The following FRS2 variants were observed in gnomAD, a reference collection of about 807,000 sequenced individuals.
FRS2 encodes fibroblast growth factor receptor substrate 2, also known as FGFR signalling adaptor.
In FRS2, 8 loss-of-function variants were observed where a neutral mutation model predicts 43.9. The observed-to-expected ratio is 0.18, with a 90% CI of 0.11 to 0.33. The LOEUF is 0.33. Among genes scored for constraint, FRS2 ranks in the 10% least tolerant of loss-of-function variants. The probability of loss-of-function intolerance (pLI) is 1.00; values close to 1 mark genes in which losing one functional copy is unlikely to be tolerated. For missense variants in FRS2, 534 were observed against 627.6 expected, an observed-to-expected ratio of 0.85 and a Z score of 1.59; for synonymous variants, 219 against 220.3, an observed-to-expected ratio of 0.99 and a Z score of 0.05.
At chr12:69,493,446 C>T (rs1225883427) in intron 1 of FRS2, among the ~76,000 whole-genome samples, 1 of 152,164 alleles carries the variant, frequency 6.6e-6, no homozygotes, top group East Asian at 1.9e-4. Context: ...AGCTGCCGGG[C>T]GCGATGGCTC....
In FRS2 at chr12:69,574,319, T is replaced by G; in HGVS notation, c.891T>G (p.Asp297Glu). ...GCTATGACAGTGATGAACGAAGAGA[T>G]GCACCCTCTGTTAACAAACTGGTGT... ...DTGYDSDERR[D>E]APSVNKLVYE... Residue 297 changes from aspartate to glutamate, a missense_variant, in exon 9 of 9, where the codon GAT becomes GAG. Physicochemically the swap from Asp to Glu is conservative, Grantham distance 45. Around this residue, in one of 3 missense-constraint regions of FRS2, gnomAD observed 446 missense variants for 494.2 expected, o/e 0.90. Coordinates refer to ENST00000549921, the MANE Select transcript of FRS2 (RefSeq NM_001278356.2). 1 of 1,614,122 alleles carries G rather than the reference T, an allele frequency of 6.2e-7. No homozygotes were observed. Among genetic ancestry groups the G allele is most frequent in the Non-Finnish European group, 8.5e-7 (1 of 1,179,940 alleles).
At chr12:69,533,364 T>G (rs1394099978) in intron 3 of FRS2, among the ~76,000 whole-genome samples, 1 of 151,990 alleles carries the variant, frequency 6.6e-6, no homozygotes, top group African/African-American at 2.4e-5. Flanking sequence ...GTTTTTTTTT[T>G]TTGAGATGGT....
intron 1 of FRS2, among the ~76,000 whole-genome samples, chr12:69,508,090 A>G (rs906938726): frequency 6.6e-6 from 1 of 151,190 alleles, no homozygotes; most frequent in Non-Finnish European, 1.5e-5. Context: ...AGATAAGATA[A>G]TAAGATTGTT....
At chr12:69,474,185 C>T (rs2120592058) in intron 1 of FRS2, among the ~76,000 whole-genome samples, 1 of 152,244 alleles carries the variant, frequency 6.6e-6, no homozygotes, top group African/African-American at 2.4e-5. Context: ...CGGTGGTACT[C>T]TTACTAGAAA....
chr12:69,571,255 C>G (rs769900298), intron 6 of FRS2, 21 bp from the exon 7 acceptor site: 2 of 1,535,352 alleles, frequency 1.3e-6, no homozygotes. Flanking sequence ...ACTATTTTTC[C>G]CTTTTGGTTT....
intron 1 of FRS2, among the ~76,000 whole-genome samples, chr12:69,512,345 C>T: frequency 6.6e-6 from 1 of 152,160 alleles, no homozygotes; most frequent in East Asian, 1.9e-4. Flanking sequence ...AGCTCTGCTT[C>T]TTCTAGGCTT....
chr12:69,540,735 G>A (rs893343001), intron 3 of FRS2, among the ~76,000 whole-genome samples: 10 of 152,252 alleles, frequency 6.6e-5, no homozygotes, highest in African/African-American at 2.2e-4. Context: ...AGAAGAGTTC[G>A]GGGAGAAGTA....
chr12:69,574,346 T>C lies in FRS2; in HGVS notation c.918T>C (p.Tyr306=). Residue 306 remains tyrosine, a synonymous_variant, in exon 9 of 9, where the codon TAT becomes TAC. Transcript: ENST00000549921. ...CACCCTCTGTTAACAAACTGGTGTATGAAAATATAAATGGGCTATCTATCC... is the reference window on the plus strand; with the variant it reads ...CACCCTCTGTTAACAAACTGGTGTACGAAAATATAAATGGGCTATCTATCC... ...RDAPSVNKLV[Y]ENINGLSIPS... The C allele has an allele frequency of 6.2e-7, 1 of 1,614,036 alleles. No individual in the cohort carries two copies. Among genetic ancestry groups the C allele is most frequent in the Non-Finnish European group, 8.5e-7 (1 of 1,179,870 alleles).
chr12:69,509,702 C>T (rs1165494937), intron 1 of FRS2, among the ~76,000 whole-genome samples: 1 of 152,052 alleles, frequency 6.6e-6, no homozygotes, highest in Non-Finnish European at 1.5e-5. Flanking sequence ...CTTTCTTGGT[C>T]TTGATAGGTT....
At chr12:69,514,616 T>C (rs568149995) in intron 1 of FRS2, among the ~76,000 whole-genome samples, 34 of 152,292 alleles carry the variant, frequency 2.2e-4, no homozygotes, top group Admixed American at 5.9e-4. Flanking sequence ...GTGGATCACC[T>C]GAGGTCAGGA....
At chr12:69,482,423 T>TC (rs1462694107) in intron 1 of FRS2, among the ~76,000 whole-genome samples, 2 of 152,166 alleles carry the variant, frequency 1.3e-5, no homozygotes. Flanking sequence ...TGGGCCTTTT[T>TC]CCCCCTAACC....
rs1367826118 is a variant in FRS2 at position 69,569,064 on chromosome 12, A to G, written c.34A>G (p.Thr12Ala). The change falls in exon 5 of 9, where the codon ACT (threonine) becomes GCT (alanine). Residue 12 changes from threonine (T) to alanine (A), a missense_variant. Coordinates refer to ENST00000549921, the MANE Select transcript of FRS2 (RefSeq NM_001278356.2). ...GSCCSCPDKD[T>A]VPDNHRNKFK... ...CTGTTGTAGCTGTCCAGATAAAGACACTGTCCCAGATAACCATCGGAACAA... is the reference window on the plus strand; with the variant it reads ...CTGTTGTAGCTGTCCAGATAAAGACGCTGTCCCAGATAACCATCGGAACAA... 2 of 1,612,330 alleles carry G rather than the reference A, an allele frequency of 1.2e-6. No individual in the cohort carries two copies. The highest frequency in any genetic ancestry group is 1.7e-4 in the Middle Eastern group (1 of 6,056).
At chr12:69,564,956 A>T (rs1056826823) in intron 4 of FRS2, among the ~76,000 whole-genome samples, 1 of 152,236 alleles carries the variant, frequency 6.6e-6, no homozygotes, top group African/African-American at 2.4e-5. Context: ...AGAGTCCCCA[A>T]GTAGGTTGCA....
chr12:69,485,313 G>A (rs911684228), intron 1 of FRS2, among the ~76,000 whole-genome samples: 1 of 151,854 alleles, frequency 6.6e-6, no homozygotes, highest in Non-Finnish European at 1.5e-5. Flanking sequence ...CTCCCAAGTA[G>A]CTGGGACTAC....
chr12:69,497,960 T>C (rs1414247424), intron 1 of FRS2, among the ~76,000 whole-genome samples: 2 of 152,210 alleles, frequency 1.3e-5, no homozygotes, highest in Admixed American at 6.5e-5. Context: ...ATAACTGTTA[T>C]TCCAGGAAAA....
chr12:69,547,830 CTTTTTTTTT>C (rs71094722), intron 3 of FRS2, among the ~76,000 whole-genome samples: 10 of 102,726 alleles, frequency 9.7e-5, no homozygotes, highest in Non-Finnish European at 1.5e-4. Context: ...TCCATTAATA[CTTTTTTTTT>C]TTTTTTTTTT....
chr12:69,572,366 C>T (rs372336594), intron 8 of FRS2, 85 bp downstream of exon 8: 1 of 1,043,300 alleles, frequency 9.6e-7, no homozygotes, highest in African/African-American at 1.6e-5. Flanking sequence ...TTTTATTCAG[C>T]TTGAAGTTTA....
Position 69,534,517 on chromosome 12 carries a change from C to G in FRS2, c.-122+2461C>G, listed in dbSNP as rs188711324. Among the ~76,000 whole-genome samples, 33 of 152,286 alleles carry G rather than the reference C, an allele frequency of 2.2e-4. No homozygotes were observed. The East Asian group carries it at 6.2e-3, about 28-fold the overall frequency. On this transcript the variant is annotated intron_variant, in intron 3 of 8. Coordinates refer to ENST00000549921, the MANE Select transcript of FRS2 (RefSeq NM_001278356.2). ...CCAATTTGAAGAACAAGCATTTTCC[C>G]TGCCAAGAAGTACTGACTTTAAATG...
chr12:69,535,993 C>G (rs181028437), intron 3 of FRS2, among the ~76,000 whole-genome samples: 11 of 149,126 alleles, frequency 7.4e-5, no homozygotes, highest in African/African-American at 2.7e-4. Flanking sequence ...GGCCCTCTAT[C>G]TGAACACACT....
Sources: gnomAD v4.1 joint callset for allele counts (sites outside exome capture counted in the v4.1 genomes callset) on GRCh38, gnomAD v4.1.1 for gene constraint, gnomAD v4.1.1 regional missense constraint, MANE v1.5 for transcripts, NCBI Gene and HGNC (gene_info 2026-07-23, HGNC 2026-07-21) for gene names.